PDE12: variants seen among roughly 807,000 people sequenced by gnomAD.
The protein encoded by PDE12 is phosphodiesterase 12, also known as 2',5'-phosphodiesterase 12.
In PDE12, 26 loss-of-function variants were observed where a neutral mutation model predicts 45.4. That is an observed-to-expected ratio of 0.57 (90% CI 0.42 to 0.79). The LOEUF (loss-of-function observed/expected upper bound fraction) is 0.79, where lower values mean the gene tolerates loss of function less well. Among genes scored for constraint, PDE12 ranks in the 30% least tolerant of loss-of-function variants. The pLI, the probability that PDE12 is intolerant of heterozygous loss-of-function variation, is 0.00. For synonymous variants in PDE12, 283 were observed against 323.9 expected (o/e 0.87, Z 1.36); for missense variants, 668 against 790.0 (o/e 0.85, Z 1.85).
At position 57,556,934 on chromosome 3, in the gene PDE12, C is replaced by A; in HGVS notation, c.555C>A (p.Leu185=). 6.2e-7 allele frequency: 1 copy of A among 1,614,180 alleles called. No homozygotes were observed. Among genetic ancestry groups the A allele is most frequent in the South Asian group, 1.1e-5 (1 of 91,092 alleles). The change falls in exon 1 of 3, where the codon CTC becomes CTA. Residue 185 remains leucine, a synonymous_variant. Transcript: ENST00000311180. The surrounding 1 kb of genome is among the most constrained non-coding windows in gnomAD (Gnocchi z 5.0). Reference sequence around the variant, plus strand: ...TCCCTGTGTGCCCCAAACTCAGCCTCGAATTTGGGGATCCCGCCAGCTCCC... The same window carrying A: ...TCCCTGTGTGCCCCAAACTCAGCCTAGAATTTGGGGATCCCGCCAGCTCCC... ...AGFPVCPKLS[L]EFGDPASSLF... is the part of the protein sequence containing the mutation.
chr3:57,597,013 A>C, the PDE12 span: 1 of 1,568,440 alleles, frequency 6.4e-7, no homozygotes, highest in East Asian at 2.3e-5. Context: ...CCCAGAGGCC[A>C]CCCCAATTGT....
chr3:57,629,994 A>G, the PDE12 span, among the ~76,000 whole-genome samples: 2 of 152,256 alleles, frequency 1.3e-5, no homozygotes, highest in South Asian at 2.1e-4. Context: ...GCATTTGCCA[A>G]TTTCTGTGGT....
the PDE12 span, among the ~76,000 whole-genome samples, chr3:57,619,774 C>G: frequency 6.6e-6 from 1 of 151,700 alleles, no homozygotes; most frequent in African/African-American, 2.4e-5. Flanking sequence ...TGCTTAAACC[C>G]GGGAGGCAGA....
At chr3:57,611,392 T>C in the PDE12 span, among the ~76,000 whole-genome samples, 1 of 152,098 alleles carries the variant, frequency 6.6e-6, no homozygotes, top group Non-Finnish European at 1.5e-5. Context: ...TGGGATCTAA[T>C]TAAACTAAAG....
the PDE12 span, among the ~76,000 whole-genome samples, chr3:57,632,027 T>TC: frequency 7.0e-6 from 1 of 142,292 alleles, no homozygotes; most frequent in East Asian, 2.1e-4. Flanking sequence ...CGGCCTTTTT[T>TC]TTTTTTTTTT....
At chr3:57,651,359 T>A in the PDE12 span, among the ~76,000 whole-genome samples, 6 of 152,198 alleles carry the variant, frequency 3.9e-5, no homozygotes, top group Non-Finnish European at 8.8e-5. Context: ...TGATTCATGA[T>A]ACTGCACAGA....
chr3:57,649,454 T>C, the PDE12 span, among the ~76,000 whole-genome samples: 3 of 150,922 alleles, frequency 2.0e-5, no homozygotes, highest in Non-Finnish European at 4.4e-5. Flanking sequence ...AGAGATTCCT[T>C]AAAGAACTAA....
chr3:57,598,930 G>A, the PDE12 span, among the ~76,000 whole-genome samples: 2 of 152,192 alleles, frequency 1.3e-5, no homozygotes, highest in Admixed American at 1.3e-4. Flanking sequence ...AGACCTTCTT[G>A]TATCCTTTTG....
chr3:57,573,379 T>C, the PDE12 span, among the ~76,000 whole-genome samples: 1 of 152,116 alleles, frequency 6.6e-6, no homozygotes, highest in South Asian at 2.1e-4. Context: ...TAGAAAACAA[T>C]TTACATTTAA....
At chr3:57,653,678 G>A in the PDE12 span, among the ~76,000 whole-genome samples, 5 of 150,978 alleles carry the variant, frequency 3.3e-5, no homozygotes, top group East Asian at 8.0e-4. Flanking sequence ...CCCAGGAGGC[G>A]GAGGTTGCAG....
At chr3:57,624,443 C>T in the PDE12 span, among the ~76,000 whole-genome samples, 12 of 152,072 alleles carry the variant, frequency 7.9e-5, no homozygotes, top group Admixed American at 3.9e-4. Flanking sequence ...AGCCCATGCC[C>T]GGCCATCTGA....
At chr3:57,621,887 G>A in the PDE12 span, among the ~76,000 whole-genome samples, 1 of 151,510 alleles carries the variant, frequency 6.6e-6, no homozygotes, top group African/African-American at 2.4e-5. Context: ...AACATATGGA[G>A]AGCTCTGGCT....
the PDE12 span, among the ~76,000 whole-genome samples, chr3:57,639,625 G>C: frequency 2.0e-5 from 3 of 152,166 alleles, no homozygotes; most frequent in African/African-American, 7.2e-5. Context: ...AGACAGAACA[G>C]TAACAGAATG....
At chr3:57,569,059 G>A (rs147204835), downstream of PDE12, among the ~76,000 whole-genome samples, 29 of 151,958 alleles carry the variant, frequency 1.9e-4, no homozygotes, top group African/African-American at 5.3e-4. Flanking sequence ...CAATAGGGGC[G>A]GTCACAGAGA....
chr3:57,568,518 C>G (rs572213848), downstream of PDE12, among the ~76,000 whole-genome samples: 2 of 151,590 alleles, frequency 1.3e-5, no homozygotes, highest in Admixed American at 1.3e-4. Context: ...AAAGATAATT[C>G]TGTATACTCA....
the PDE12 span, among the ~76,000 whole-genome samples, chr3:57,603,348 A>AT: frequency 2.6e-5 from 4 of 151,344 alleles, no homozygotes; most frequent in Admixed American, 1.3e-4. Flanking sequence ...TTATTTATTT[A>AT]TTTTTTTTAA....
chr3:57,604,301 TTTTTTTTCTCTAAAAA>T, the PDE12 span, among the ~76,000 whole-genome samples: 28 of 152,156 alleles, frequency 1.8e-4, no homozygotes, highest in African/African-American at 6.7e-4. Flanking sequence ...AATCTACAAA[TTTTTTTTCTCTAAAAA>T]TTAGATTTAC....
the PDE12 span, among the ~76,000 whole-genome samples, chr3:57,632,478 A>C: frequency 6.6e-6 from 1 of 152,130 alleles, no homozygotes; most frequent in Non-Finnish European, 1.5e-5. Flanking sequence ...TGCCCAGCCT[A>C]GTCCATGCTC....
At chr3:57,623,296 C>T in the PDE12 span, among the ~76,000 whole-genome samples, 1 of 152,094 alleles carries the variant, frequency 6.6e-6, no homozygotes, top group Non-Finnish European at 1.5e-5. Context: ...TTGTTGAGTT[C>T]TACCACCAGA....
Sources: gnomAD v4.1 joint callset for allele counts (sites outside exome capture counted in the v4.1 genomes callset) on GRCh38, gnomAD v4.1.1 for gene constraint, Gnocchi (gnomAD v3.1) non-coding constraint, MANE v1.5 for transcripts, NCBI Gene and HGNC (gene_info 2026-07-23, HGNC 2026-07-21) for gene names.